The following PTPRN2 variants were observed in gnomAD, a reference collection of about 807,000 sequenced individuals.
PTPRN2 encodes protein tyrosine phosphatase receptor type N2.
A neutral mutation model predicts 118.8 loss-of-function variants in PTPRN2; 74 were observed. That is an observed-to-expected ratio of 0.62 (90% CI 0.52 to 0.76). The LOEUF is 0.76. Ranked by LOEUF, PTPRN2 falls within the 30% of genes least tolerant of loss-of-function variation. The pLI is 0.00. For missense variants in PTPRN2, 1,481 were observed against 1,394.4 expected (o/e 1.06, Z -0.99); for synonymous variants, 641 against 608.0 (o/e 1.05, Z -0.80).
At chr7:158,062,676 A>G (rs935132117) in intron 11 of PTPRN2, among the ~76,000 whole-genome samples, 1 of 152,166 alleles carries the variant, frequency 6.6e-6, no homozygotes, top group Non-Finnish European at 1.5e-5. Context: ...GCTGCCAGCC[A>G]GCGCTGCTGG....
rs529183583 is a variant in PTPRN2 at position 158,295,173 on chromosome 7, C to T, written c.277+21646G>A. Among the ~76,000 whole-genome samples, 5 of 140,252 alleles carry T rather than the reference C, an allele frequency of 3.6e-5. No individual in the cohort carries two copies. The East Asian group carries it at 1.1e-3, about 31-fold the overall frequency. 92.0% of individuals were successfully genotyped at this position (140,252 alleles called of 152,430 possible). On this transcript the variant is annotated intron_variant, in intron 3 of 22. Coordinates refer to ENST00000389418, the MANE Select transcript of PTPRN2 (RefSeq NM_002847.5). ...CTGCCTGTCTGCCCAGACACTGCACCACATCGTGGTTCACCTGCCTTTCTG... is the reference window on the plus strand; with the variant it reads ...CTGCCTGTCTGCCCAGACACTGCACTACATCGTGGTTCACCTGCCTTTCTG...
At chr7:158,150,598 A>G (rs1367124981) in intron 6 of PTPRN2, among the ~76,000 whole-genome samples, 1 of 151,088 alleles carries the variant, frequency 6.6e-6, no homozygotes, top group Non-Finnish European at 1.5e-5. Context: ...ATATGGAAAG[A>G]CCTTTTCTCC....
At chr7:158,550,514 T>A (rs1266717157) in intron 1 of PTPRN2, among the ~76,000 whole-genome samples, 1 of 152,196 alleles carries the variant, frequency 6.6e-6, no homozygotes, top group Non-Finnish European at 1.5e-5. Context: ...ACAGGCCCAC[T>A]CATGGCTGGC....
At chr7:158,496,309 C>T (rs1441631132) in intron 1 of PTPRN2, among the ~76,000 whole-genome samples, 1 of 110,528 alleles carries the variant, frequency 9.0e-6, no homozygotes, top group Non-Finnish European at 1.9e-5. Context: ...TTCCCTGCAG[C>T]GTCCCCCTTT....
Position 158,022,285 on chromosome 7 carries a change from G to A in PTPRN2, c.1723+59013C>T, listed in dbSNP as rs34198091. 5.3e-3 allele frequency among the ~76,000 whole-genome samples: 805 copies of A among 152,308 alleles called. 8 individuals carry two copies. The highest frequency in any genetic ancestry group is 8.3e-3 in the Non-Finnish European group (565 of 68,028). ...AGCATGATGACTCCGTTTCCTACAC[G>A]GTTCCGAGCGTTTTCCATCCTTCCT... is the stretch of plus-strand genomic sequence containing the variant. On this transcript the variant is annotated intron_variant, in intron 11 of 22. Coordinates refer to ENST00000389418, the MANE Select transcript of PTPRN2 (RefSeq NM_002847.5). The surrounding 1 kb of genome is among the most constrained non-coding windows in gnomAD (Gnocchi z 4.6).
intron 12 of PTPRN2, among the ~76,000 whole-genome samples, chr7:157,862,123 G>A (rs1209782276): frequency 6.6e-6 from 1 of 152,140 alleles, no homozygotes; most frequent in African/African-American, 2.4e-5. Context: ...CTGCTTCGAG[G>A]ACTCTGTGTG....
At chr7:158,092,731 T>A (rs1214786779) in intron 10 of PTPRN2, among the ~76,000 whole-genome samples, 1 of 152,096 alleles carries the variant, frequency 6.6e-6, no homozygotes, top group Non-Finnish European at 1.5e-5. Context: ...TGGCTGAACA[T>A]AATTTGAGGC....
chr7:158,221,124 C>T (rs981002856), intron 3 of PTPRN2, among the ~76,000 whole-genome samples: 2 of 152,058 alleles, frequency 1.3e-5, no homozygotes, highest in Admixed American at 1.3e-4. Context: ...AGAAAGGACT[C>T]CCTATTCAAT....
At chr7:158,258,481 G>A (rs1797176221) in intron 3 of PTPRN2, among the ~76,000 whole-genome samples, 1 of 152,222 alleles carries the variant, frequency 6.6e-6, no homozygotes, top group Admixed American at 6.5e-5. Flanking sequence ...CCATGTGCAT[G>A]TGCTTCTCCA....
intron 11 of PTPRN2, among the ~76,000 whole-genome samples, chr7:158,070,335 AGGTGCCCG>A (rs1478361771): frequency 3.0e-5 from 2 of 67,210 alleles, no homozygotes; most frequent in East Asian, 7.9e-4. Context: ...CGTGGTGTGG[AGGTGCCCG>A]TGGTGGTGGA....
intron 21 of PTPRN2, among the ~76,000 whole-genome samples, chr7:157,559,416 G>C (rs1446836151): frequency 6.6e-6 from 1 of 152,204 alleles, no homozygotes. Flanking sequence ...GGGAGTGGCA[G>C]AACACACTGG....
chr7:158,153,758 CAA>C (rs1821427385), intron 6 of PTPRN2, among the ~76,000 whole-genome samples: 1 of 151,846 alleles, frequency 6.6e-6, no homozygotes, highest in Non-Finnish European at 1.5e-5. Flanking sequence ...ATCTGATTGA[CAA>C]ATTTACAAGA....
intron 3 of PTPRN2, among the ~76,000 whole-genome samples, chr7:158,277,919 G>A (rs1055210010): frequency 1.3e-4 from 20 of 152,134 alleles, no homozygotes; most frequent in South Asian, 2.1e-4. Context: ...GCTCTCAGCC[G>A]GGCAGGACCA....
intron 2 of PTPRN2, among the ~76,000 whole-genome samples, chr7:158,413,833 G>A (rs908664852): frequency 1.3e-5 from 2 of 152,148 alleles, no homozygotes; most frequent in African/African-American, 4.8e-5. Flanking sequence ...GCTCAACCTG[G>A]GCCACCCTTA....
In PTPRN2 at chr7:157,603,815, T is replaced by A. The variant is rs1435607715; in HGVS notation, c.2418+187A>T. 6.6e-6 allele frequency among the ~76,000 whole-genome samples: 1 copy of A among 152,110 alleles called. No individual in the cohort carries two copies. Among genetic ancestry groups the A allele is most frequent in the African/African-American group, 2.4e-5 (1 of 41,422 alleles). On this transcript the variant is annotated intron_variant, in intron 16 of 22. Transcript: ENST00000389418. The surrounding 1 kb of genome is among the most constrained non-coding windows in gnomAD (Gnocchi z 5.4). ...CGTGAGCCGGGACCCACACGGCTCA[T>A]AAACAGCCCCGCTGGTGAAGGAACA...
intron 4 of PTPRN2, among the ~76,000 whole-genome samples, chr7:158,200,735 C>A (rs183955621): frequency 2.0e-5 from 3 of 152,216 alleles, no homozygotes; most frequent in East Asian, 3.9e-4. Context: ...TAGAATTAGA[C>A]ACTAATTTGA....
Position 158,014,027 on chromosome 7 carries a change from C to T in PTPRN2, c.1723+67271G>A, listed in dbSNP as rs1174188321. On this transcript the variant is annotated intron_variant, in intron 11 of 22. Transcript: ENST00000389418. ...GTCTATGCATCCATCCAGCCAGCCA[C>T]CCATCCATCCACCCACCCACCCACT... is the stretch of plus-strand genomic sequence containing the variant. 6.6e-5 allele frequency among the ~76,000 whole-genome samples: 2 copies of T among 30,528 alleles called. 1 individual carries two copies. Among genetic ancestry groups the T allele is most frequent in the Admixed American group, 6.8e-4 (2 of 2,938 alleles). 20.0% of individuals were successfully genotyped at this position (30,528 alleles called of 152,430 possible).
At chr7:158,064,896 T>C (rs1480895852) in intron 11 of PTPRN2, among the ~76,000 whole-genome samples, 1 of 151,762 alleles carries the variant, frequency 6.6e-6, no homozygotes, top group African/African-American at 2.4e-5. Context: ...GGGCACAGAG[T>C]GGCCAATTTT....
intron 5 of PTPRN2, among the ~76,000 whole-genome samples, chr7:158,184,031 A>G: frequency 6.6e-6 from 1 of 151,654 alleles, no homozygotes; most frequent in Non-Finnish European, 1.5e-5. Context: ...TTTTATCTTA[A>G]AAAGTGCTAT....
Sources: allele counts gnomAD v4.1 joint callset (sites outside exome capture counted in the v4.1 genomes callset), GRCh38; gene constraint gnomAD v4.1.1; non-coding constraint Gnocchi (gnomAD v3.1); transcripts MANE v1.5; gene names NCBI Gene and HGNC (gene_info 2026-07-23, HGNC 2026-07-21).